Variants in DLL3 observed in about 807,000 individuals in gnomAD.
DLL3 encodes delta-like protein 3.
DLL3 carries 49 observed loss-of-function variants against 55.0 expected under a neutral mutation model. The ratio of observed to expected loss-of-function variants is 0.89; its 90% CI spans 0.71 to 1.13. The LOEUF (loss-of-function observed/expected upper bound fraction) is 1.13. DLL3 is among the 50% of genes most tolerant of loss of function. DLL3 has a pLI of 0.00. For missense variants in DLL3, 962 were observed against 875.5 expected (o/e 1.10, Z -1.25); for synonymous variants, 421 against 385.2 (o/e 1.09, Z -1.09).
intron 4 of DLL3, 129 bp downstream of exon 4, chr19:39,503,186 A>T: frequency 1.0e-6 from 1 of 956,858 alleles, no homozygotes; most frequent in Non-Finnish European, 1.4e-6. Context: ...GTCCCCCACC[A>T]TGTACCCCAG....
At chr19:39,503,173 A>G in intron 4 of DLL3, 116 bp downstream of exon 4, 14 of 1,141,190 alleles carry the variant, frequency 1.2e-5, no homozygotes, top group Non-Finnish European at 1.7e-5. Flanking sequence ...AGGGTACTCT[A>G]GAGTCCCCCA....
chr19:39,506,947 A>G, intron 6 of DLL3, 92 bp from the exon 7 acceptor site: 2 of 1,345,954 alleles, frequency 1.5e-6, no homozygotes, highest in Non-Finnish European at 2.0e-6. Context: ...GAAAAAGGGG[A>G]CCCCGTGCAG....
Position 39,500,615 on chromosome 19 carries a change from G to C in DLL3, c.352G>C (p.Gly118Arg), listed in dbSNP as rs758663865. The C allele has an allele frequency of 6.2e-7, 1 of 1,613,276 alleles. No individual in the cohort carries two copies. Among genetic ancestry groups the C allele is most frequent in the East Asian group, 2.2e-5 (1 of 44,852 alleles). ...TCTCCCCCTTCCTTCACCCAACCAG[G>C]GCACCTTCTCTTTCATCATCGAAAC... The part of the protein sequence containing the change: ...LQVPFRDAWP[G>R]TFSFIIETWR... Residue 118 changes from glycine to arginine, a missense_variant and splice_region_variant, in exon 3 of 9, where the codon GGC becomes CGC. Gly to Arg is a moderately radical substitution (Grantham distance 125, BLOSUM62 -2). Coordinates refer to ENST00000356433, the MANE Select transcript of DLL3 (RefSeq NM_203486.3).
intron 1 of DLL3, 51 bp downstream of exon 1, chr19:39,499,094 G>A: frequency 1.2e-6 from 2 of 1,613,694 alleles, no homozygotes; most frequent in African/African-American, 2.7e-5. Context: ...CGGAGGGGAG[G>A]GGTGAGTGCG....
chr19:39,506,949 C>G, intron 6 of DLL3, 90 bp from the exon 7 acceptor site: 2 of 1,368,806 alleles, frequency 1.5e-6, no homozygotes, highest in African/African-American at 2.9e-5. Flanking sequence ...AAAAGGGGAC[C>G]CCGTGCAGCG....
Position 39,504,159 on chromosome 19 carries a change from C to T in DLL3, c.741C>T (p.Leu247=). ...CRCLEGWTGP[L]CTVPVSTSSC... ...GCCTAGAGGGCTGGACTGGACCCCT[C>T]TGCACGGTCCCTGTCTCCACCAGCA... The change falls in exon 5 of 9, where the codon CTC becomes CTT. Residue 247 remains leucine, a synonymous_variant. Transcript: ENST00000356433. The T allele has an allele frequency of 1.2e-6, 2 of 1,612,576 alleles. No homozygotes were observed. The highest frequency in any genetic ancestry group is 1.7e-6 in the Non-Finnish European group (2 of 1,180,024).
chr19:39,503,084 G>T (rs1369682264), intron 4 of DLL3, 27 bp downstream of exon 4: 12 of 1,514,994 alleles, frequency 7.9e-6, no homozygotes, highest in Non-Finnish European at 8.8e-6. Flanking sequence ...ACCCCACCCC[G>T]TCCCAGCCGG....
chr19:39,500,531 C>T, intron 2 of DLL3, 84 bp from the exon 3 acceptor site: 1 of 1,271,200 alleles, frequency 7.9e-7, no homozygotes, highest in Non-Finnish European at 1.1e-6. Flanking sequence ...CATCACCCTC[C>T]ATTCCTGAAC....
At position 39,507,114 on chromosome 19, in the gene DLL3, A is replaced by G; in HGVS notation, c.1169A>G (p.His390Arg). ...RAGFAGPRCE[H>R]DLDDCAGRAC... The stretch of plus-strand genomic sequence containing the variant: ...GGCTTCGCGGGTCCTCGCTGCGAGC[A>G]CGACCTGGACGACTGCGCGGGCCGC... Residue 390 changes from histidine to arginine, a missense_variant, in exon 7 of 9, where the codon CAC becomes CGC. Physicochemically the swap from His to Arg is conservative, Grantham distance 29. Transcript: ENST00000356433. 1 of 1,535,582 alleles carries G rather than the reference A, an allele frequency of 6.5e-7. No homozygotes were observed. The highest frequency in any genetic ancestry group is 8.7e-7 in the Non-Finnish European group (1 of 1,148,606).
Position 39,502,954 on chromosome 19 carries a change from C to T in DLL3, c.549C>T (p.Val183=), listed in dbSNP as rs1332518991. ...SYRARCEPPA[V]GTACTRLCRP... ...GCGCGCGCTGCGAGCCGCCTGCCGT[C>T]GGGACCGCGTGCACGCGCCTCTGCC... Residue 183 remains valine, a synonymous_variant, in exon 4 of 9, where the codon GTC becomes GTT. Coordinates refer to ENST00000356433, the MANE Select transcript of DLL3 (RefSeq NM_203486.3). The T allele has an allele frequency of 3.4e-6, 5 of 1,457,532 alleles. No homozygotes were observed. Among genetic ancestry groups the T allele is most frequent in the Non-Finnish European group, 4.5e-6 (5 of 1,111,686 alleles). The allele number at this position is 1,457,532 out of a possible 1,614,324, so 90.3% of individuals were successfully genotyped here.
At chr19:39,503,226 G>A (rs1380640482) in intron 4 of DLL3, among the ~76,000 whole-genome samples, 169 bp downstream of exon 4, 1 of 152,122 alleles carries the variant, frequency 6.6e-6, no homozygotes, top group East Asian at 1.9e-4. Flanking sequence ...TGGGGAACGC[G>A]CTGACTGCTG....
At position 39,507,332 on chromosome 19, in the gene DLL3, C is replaced by T. The variant is rs1158281442; in HGVS notation, c.1387C>T (p.Arg463Trp). 3.2e-6 allele frequency: 5 copies of T among 1,568,826 alleles called. No individual in the cohort carries two copies. In the African/African-American group the frequency reaches 4.0e-5, roughly 13 times the overall value. ...TTGCGCTCCCGGCTACATGGGAGCG[C>T]GGTGTGAGTTCCCAGTGCACCCCGA... ...CACAPGYMGARCEFPVHPDGA... is the reference protein window; with the variant it reads ...CACAPGYMGAWCEFPVHPDGA... The change falls in exon 7 of 9, where the codon CGG becomes TGG. Residue 463 changes from arginine to tryptophan, a missense_variant. Physicochemically the swap from Arg to Trp is moderately radical, Grantham distance 101. Transcript: ENST00000356433.
In DLL3 at chr19:39,504,064, C is replaced by T. The variant is rs1464590891; in HGVS notation, c.653-7C>T. On this transcript the variant is annotated splice_region_variant and splice_polypyrimidine_tract_variant and intron_variant, in intron 4 of 8. Coordinates refer to ENST00000356433, the MANE Select transcript of DLL3 (RefSeq NM_203486.3). ...TCCCTTTCTCTCTGCCTCTCTGTCC[C>T]CCATAGTGGTGTGCCGAGCAGGCTG... 3.1e-6 allele frequency: 5 copies of T among 1,613,098 alleles called. No homozygotes were observed. Among genetic ancestry groups the T allele is most frequent in the Non-Finnish European group, 4.2e-6 (5 of 1,179,964 alleles).
chr19:39,499,382 G>A lies in DLL3; in HGVS notation c.260G>A (p.Gly87Glu). 1 of 1,570,022 alleles carries A rather than the reference G, an allele frequency of 6.4e-7. No homozygotes were observed. Among genetic ancestry groups the A allele is most frequent in the Non-Finnish European group, 8.6e-7 (1 of 1,165,172 alleles). Residue 87 changes from glycine to glutamate, a missense_variant, in exon 2 of 9, where the codon GGA becomes GAA. Gly to Glu is a moderately conservative substitution (Grantham distance 98, BLOSUM62 -2). Transcript: ENST00000356433. ...CALGAALSAR[G>E]PVYTEQPGAP... The stretch of plus-strand genomic sequence containing the variant: ...CTGGGCGCGGCGCTGAGTGCGCGCG[G>A]ACCGGTCTACACCGAGCAGCCCGGA...
chr19:39,499,331 A>G lies in DLL3; in HGVS notation c.209A>G (p.Glu70Gly). The G allele has an allele frequency of 6.5e-7, 1 of 1,548,694 alleles. No individual in the cohort carries two copies. ...GTCTGCCTGAAGCCTGGGCTCTCAG[A>G]GGAGGCCGCCGAGTCCCCGTGCGCC... ...FRVCLKPGLS[E>G]EAAESPCALG... The change falls in exon 2 of 9, where the codon GAG becomes GGG. Residue 70 changes from glutamate to glycine, a missense_variant. By Grantham distance (98) the Glu-to-Gly change is moderately conservative. Coordinates refer to ENST00000356433, the MANE Select transcript of DLL3 (RefSeq NM_203486.3).
At chr19:39,504,423 C>T (rs936034475) in intron 5 of DLL3, 135 bp downstream of exon 5, 2 of 997,508 alleles carry the variant, frequency 2.0e-6, no homozygotes, top group Non-Finnish European at 3.0e-6. Flanking sequence ...TTCCTGGAGG[C>T]ATCCAGCCGG....
At position 39,507,626 on chromosome 19, in the gene DLL3, G is replaced by T; in HGVS notation, c.1673+8G>T. 1.9e-6 allele frequency: 3 copies of T among 1,603,392 alleles called. No individual in the cohort carries two copies. The highest frequency in any genetic ancestry group is 2.6e-6 in the Non-Finnish European group (3 of 1,175,488). Reference sequence around the variant, plus strand: ...TTCCGGGGATGGTCCGAGGTGAGGGGCTGCGCCACAGACGAACGCCTTGCG... The same window carrying T: ...TTCCGGGGATGGTCCGAGGTGAGGGTCTGCGCCACAGACGAACGCCTTGCG... On this transcript the variant is annotated splice_region_variant and intron_variant, in intron 7 of 8. Transcript: ENST00000356433.
chr19:39,505,108 G>A, intron 5 of DLL3, 121 bp from the exon 6 acceptor site: 1 of 957,696 alleles, frequency 1.0e-6, no homozygotes, highest in Non-Finnish European at 1.6e-6. Flanking sequence ...TCCCAGGGTG[G>A]CCCCTGCATA....
At chr19:39,500,574 T>C (rs1458323667) in intron 2 of DLL3, 41 bp from the exon 3 acceptor site, 2 of 1,580,896 alleles carry the variant, frequency 1.3e-6, no homozygotes, top group Non-Finnish European at 8.7e-7. Context: ...CCCTAACCAC[T>C]GTCTTTCATC....
Sources: gnomAD v4.1 joint callset for allele counts (sites outside exome capture counted in the v4.1 genomes callset) on GRCh38, gnomAD v4.1.1 for gene constraint, MANE v1.5 for transcripts, NCBI Gene and HGNC (gene_info 2026-07-23, HGNC 2026-07-21) for gene names.